MCTP2: variants seen among roughly 807,000 people sequenced by gnomAD.
MCTP2 encodes multiple C2 and transmembrane domain containing 2, also known as multiple C2 and transmembrane domain-containing protein 2.
A neutral mutation model predicts 111.6 loss-of-function variants in MCTP2; 132 were observed. That is an observed-to-expected ratio of 1.18 (90% CI 1.03 to 1.37). The LOEUF is 1.37. MCTP2 is among the 40% of genes most tolerant of loss of function. MCTP2 has a pLI of 0.00. For synonymous variants in MCTP2, 395 were observed against 387.7 expected (o/e 1.02, Z -0.22); for missense variants, 1,183 against 1,067.9 (o/e 1.11, Z -1.50).
At chr15:94,452,759 T>A (rs891191393) in intron 19 of MCTP2, among the ~76,000 whole-genome samples, 4 of 152,192 alleles carry the variant, frequency 2.6e-5, no homozygotes, top group African/African-American at 9.6e-5. Context: ...AAATATAATC[T>A]TCTTGTAGCA....
chr15:94,268,164 C>T (rs2066500764), intron 1 of MCTP2, among the ~76,000 whole-genome samples: 1 of 147,548 alleles, frequency 6.8e-6, no homozygotes, highest in Admixed American at 6.9e-5. Flanking sequence ...CCACGCCCGG[C>T]CCAAATTCAT....
chr15:94,389,270 A>G (rs752280732), intron 14 of MCTP2, among the ~76,000 whole-genome samples: 6 of 151,900 alleles, frequency 3.9e-5, no homozygotes, highest in African/African-American at 7.3e-5. Context: ...TGTAGGGGAA[A>G]GGCCGTGTCT....
chr15:94,309,973 T>C (rs1303042000), intron 2 of MCTP2, among the ~76,000 whole-genome samples: 1 of 152,242 alleles, frequency 6.6e-6, no homozygotes, highest in Non-Finnish European at 1.5e-5. Context: ...AGTATGTAAT[T>C]AGACAGTTTT....
chr15:94,246,985 C>A lies in MCTP2; in HGVS notation c.-66+15321C>A, dbSNP rs140278188. Among the ~76,000 whole-genome samples the A allele has an allele frequency of 3.3e-3, 496 of 152,276 alleles. 4 individuals carry two copies. The highest frequency in any genetic ancestry group is 0.011 in the African/African-American group (455 of 41,550). On this transcript the variant is annotated intron_variant, in intron 1 of 22. Coordinates refer to ENST00000357742, the MANE Select transcript of MCTP2 (RefSeq NM_001385001.1). ...ACTCCTTTGAGTATTTTAAGACAAA[C>A]TCCCATGATCTGGGCAAATGTCATG...
chr15:94,479,315 G>A lies in MCTP2; in HGVS notation c.*281G>A. 1 of 462,104 alleles carries A rather than the reference G, an allele frequency of 2.2e-6. No individual in the cohort carries two copies. The highest frequency in any genetic ancestry group is 3.8e-5 in the South Asian group (1 of 26,144). 28.6% of individuals were successfully genotyped at this position (462,104 alleles called of 1,614,324 possible). ...TTCTGAAATAGGAGATAACAAGGCTGCCATGGATCTGAACACCACCTTCCT... is the reference window on the plus strand; with the variant it reads ...TTCTGAAATAGGAGATAACAAGGCTACCATGGATCTGAACACCACCTTCCT... On this transcript the variant is annotated 3_prime_UTR_variant, in exon 23 of 23. Coordinates refer to ENST00000357742, the MANE Select transcript of MCTP2 (RefSeq NM_001385001.1).
intron 1 of MCTP2, among the ~76,000 whole-genome samples, chr15:94,265,902 T>C (rs1230652995): frequency 6.6e-6 from 1 of 152,234 alleles, no homozygotes; most frequent in Non-Finnish European, 1.5e-5. Context: ...AATCATTTCA[T>C]TTCAGAAAGC....
At chr15:94,382,152 T>G (rs377761549) in intron 12 of MCTP2, among the ~76,000 whole-genome samples, 1 of 152,230 alleles carries the variant, frequency 6.6e-6, no homozygotes, top group East Asian at 1.9e-4. Flanking sequence ...GAATTCATAT[T>G]GGAAGTGAAT....
chr15:94,424,131 T>TA (rs779570574), intron 17 of MCTP2, among the ~76,000 whole-genome samples: 26 of 152,172 alleles, frequency 1.7e-4, no homozygotes, highest in Non-Finnish European at 2.6e-4. Flanking sequence ...TTAGAAATCA[T>TA]AAAAAAAATT....
At chr15:94,398,621 C>T (rs1056577590) in intron 14 of MCTP2, among the ~76,000 whole-genome samples, 14 of 152,256 alleles carry the variant, frequency 9.2e-5, no homozygotes, top group African/African-American at 1.9e-4. Context: ...TCCTTTTTCC[C>T]GTGACCTTTA....
At chr15:94,360,096 G>A (rs1001018202) in intron 10 of MCTP2, among the ~76,000 whole-genome samples, 4 of 151,898 alleles carry the variant, frequency 2.6e-5, no homozygotes, top group South Asian at 2.1e-4. Context: ...TTCATCACAC[G>A]TGTCCAAACA....
intron 20 of MCTP2, among the ~76,000 whole-genome samples, chr15:94,464,429 C>G (rs1170441886): frequency 5.6e-5 from 2 of 35,500 alleles, no homozygotes; most frequent in South Asian, 1.4e-3. Context: ...GTTGCATTAC[C>G]TACTCTTCTA....
chr15:94,477,047 A>ATGCT (rs2074423319), intron 22 of MCTP2, among the ~76,000 whole-genome samples: 1 of 152,214 alleles, frequency 6.6e-6, no homozygotes, highest in Non-Finnish European at 1.5e-5. Flanking sequence ...CTGGGCACTG[A>ATGCT]TGCTTGTCCC....
intron 14 of MCTP2, among the ~76,000 whole-genome samples, chr15:94,392,195 C>A (rs2081019997): frequency 6.6e-6 from 1 of 151,830 alleles, no homozygotes; most frequent in South Asian, 2.1e-4. Flanking sequence ...CCCGGTGAAA[C>A]CCTGTCTCCA....
At chr15:94,464,240 A>T (rs866759630) in intron 20 of MCTP2, among the ~76,000 whole-genome samples, 6 of 62,658 alleles carry the variant, frequency 9.6e-5, no homozygotes, top group South Asian at 5.1e-4. Flanking sequence ...TATATATATA[A>T]TATATATATA....
chr15:94,321,338 T>C (rs2076621443), intron 4 of MCTP2, among the ~76,000 whole-genome samples: 1 of 152,194 alleles, frequency 6.6e-6, no homozygotes, highest in Non-Finnish European at 1.5e-5. Flanking sequence ...GTGTTTGAGG[T>C]GATGCATATT....
At chr15:94,402,817 A>G in intron 17 of MCTP2, 6 of 1,351,610 alleles carry the variant, frequency 4.4e-6, no homozygotes, top group Non-Finnish European at 5.7e-6. Context: ...GTCCTGTGCA[A>G]AGATCACTAT....
At chr15:94,403,771 C>G (rs7164563) in intron 17 of MCTP2, among the ~76,000 whole-genome samples, 30,508 of 152,100 alleles carry the variant, frequency 0.2, 3,534 homozygotes, top group African/African-American at 0.3. Flanking sequence ...CCCGCCCCCA[C>G]GCTGGAGAAT....
chr15:94,415,420 C>T (rs983833702), intron 17 of MCTP2, among the ~76,000 whole-genome samples: 4 of 152,154 alleles, frequency 2.6e-5, no homozygotes, highest in Admixed American at 1.3e-4. Flanking sequence ...CTCTGCATTC[C>T]ATTTCTGGTG....
chr15:94,273,069 A>G (rs922314113), intron 1 of MCTP2, among the ~76,000 whole-genome samples: 3 of 152,170 alleles, frequency 2.0e-5, no homozygotes, highest in Non-Finnish European at 4.4e-5. Context: ...ATTACCCTAG[A>G]ACTCTCTAGT....
Sources: gnomAD v4.1 joint callset for allele counts (sites outside exome capture counted in the v4.1 genomes callset) on GRCh38, gnomAD v4.1.1 for gene constraint, MANE v1.5 for transcripts, NCBI Gene and HGNC (gene_info 2026-07-23, HGNC 2026-07-21) for gene names.